Variants in PER3 observed in about 807,000 individuals in gnomAD.
PER3 encodes period circadian protein homolog 3.
In PER3, 107 loss-of-function variants were observed where a neutral mutation model predicts 127.2. That is an observed-to-expected ratio of 0.84 (90% CI 0.72 to 0.99). PER3 has a LOEUF of 0.99. PER3 is among the 50% of genes least tolerant of loss of function. The pLI is 0.00. For synonymous variants in PER3, 618 were observed against 585.8 expected, an observed-to-expected ratio of 1.05 and a Z score of -0.79; for missense variants, 1,560 against 1,525.8, an observed-to-expected ratio of 1.02 and a Z score of -0.37.
intron 19 of PER3, among the ~76,000 whole-genome samples, chr1:7,833,094 T>C (rs1477164632): frequency 4.6e-5 from 7 of 152,336 alleles, no homozygotes; most frequent in Non-Finnish European, 8.8e-5. Context: ...TGGAGATTTT[T>C]TTTAGATATT....
At chr1:7,791,850 ATC>A (rs1281175092) in intron 5 of PER3, among the ~76,000 whole-genome samples, 5 of 152,094 alleles carry the variant, frequency 3.3e-5, no homozygotes, top group African/African-American at 1.2e-4. Flanking sequence ...CAAGTTCCTC[ATC>A]TCTCTCTGAG....
intron 5 of PER3, among the ~76,000 whole-genome samples, chr1:7,789,428 C>A (rs1469521495): frequency 2.0e-5 from 3 of 152,174 alleles, no homozygotes; most frequent in African/African-American, 7.2e-5. Context: ...TTTCTCTGCA[C>A]AAGCTCTCTC....
Position 7,845,121 on chromosome 1 carries a change from A to G in PER3, c.*2366A>G, listed in dbSNP as rs2097404613. ...TGTTTTTAATCATTAGTAATATTTC[A>G]GTTGGGTATCTTTTTAAGTAAAAAC... is the stretch of plus-strand genomic sequence containing the variant. On this transcript the variant is annotated 3_prime_UTR_variant, in exon 22 of 22. Transcript: ENST00000377532. The G allele has an allele frequency of 6.6e-6, 1 of 152,394 alleles. No homozygotes were observed. The highest frequency in any genetic ancestry group is 1.5e-5 in the Non-Finnish European group (1 of 68,044). The allele number at this position is 152,394 out of a possible 1,614,324, so 9.4% of individuals were successfully genotyped here.
intron 18 of PER3, 142 bp downstream of exon 18, chr1:7,827,957 G>A: frequency 4.8e-6 from 3 of 621,268 alleles, no homozygotes; most frequent in Non-Finnish European, 8.4e-6. Context: ...GCCTAATTCT[G>A]TGTAAACATG....
chr1:7,830,201 C>A, intron 19 of PER3, 40 bp downstream of exon 19: 1 of 1,538,376 alleles, frequency 6.5e-7, no homozygotes, highest in South Asian at 1.1e-5. Flanking sequence ...ACTCCAATGC[C>A]AGACATTCAC....
chr1:7,829,167 G>A (rs543616811), intron 18 of PER3, among the ~76,000 whole-genome samples: 26 of 152,206 alleles, frequency 1.7e-4, no homozygotes, highest in African/African-American at 5.8e-4. Context: ...GGTGGATGCC[G>A]GAAACCGTGG....
At chr1:7,815,304 G>A (rs1449235920) in intron 13 of PER3, among the ~76,000 whole-genome samples, 3 of 152,142 alleles carry the variant, frequency 2.0e-5, no homozygotes, top group African/African-American at 7.2e-5. Flanking sequence ...CGTCAAATTG[G>A]ATGAAAAGAT....
chr1:7,822,782 A>G (rs943370581), intron 16 of PER3, among the ~76,000 whole-genome samples: 48 of 152,196 alleles, frequency 3.2e-4, no homozygotes, highest in African/African-American at 1.1e-3. Flanking sequence ...AATTGGGCCA[A>G]GCATAGTGGT....
chr1:7,831,566 T>A (rs1458959373), intron 19 of PER3, among the ~76,000 whole-genome samples: 1 of 152,210 alleles, frequency 6.6e-6, no homozygotes, highest in Non-Finnish European at 1.5e-5. Context: ...TTAAGTACGA[T>A]GTTAAGTATA....
intron 13 of PER3, chr1:7,811,727 G>T (rs2097220087): frequency 6.6e-6 from 1 of 152,164 alleles, no homozygotes; most frequent in South Asian, 2.1e-4. Context: ...CTTCCTAAAG[G>T]CCGTGGCTGT....
rs1417620121 is a variant in PER3, at chr1:7,784,649, C to A, written c.-224-5C>A. On this transcript the variant is annotated splice_region_variant and splice_polypyrimidine_tract_variant and intron_variant, in intron 1 of 21. Coordinates refer to ENST00000377532, the MANE Select transcript of PER3 (RefSeq NM_001377275.1). ...TCCCTTGTCACCCTTGTCTCCTCCC[C>A]CTAGGCCGGAGTCCTGAAAGTCGAG... 2.5e-5 allele frequency: 11 copies of A among 446,552 alleles called. No individual in the cohort carries two copies. Among genetic ancestry groups the A allele is most frequent in the Non-Finnish European group, 4.3e-5 (11 of 255,916 alleles). 27.7% of individuals were successfully genotyped at this position (446,552 alleles called of 1,614,324 possible).
chr1:7,800,584 A>G (rs1199707658), intron 7 of PER3, among the ~76,000 whole-genome samples: 1 of 152,072 alleles, frequency 6.6e-6, no homozygotes, highest in East Asian at 1.9e-4. Flanking sequence ...ACTAAATAAC[A>G]TTTGTAGTAT....
Position 7,785,564 on chromosome 1 carries a change from C to G in PER3, c.252C>G (p.Leu84=). 1.2e-6 allele frequency: 2 copies of G among 1,613,636 alleles called. No homozygotes were observed. Among genetic ancestry groups the G allele is most frequent in the Non-Finnish European group, 1.7e-6 (2 of 1,179,716 alleles). Reference sequence around the variant, plus strand: ...CTCTAGATGCCCTCAACTATGCTCTCCGCTGTGTCCACAGCGTTCAAGGTA... The same window carrying G: ...CTCTAGATGCCCTCAACTATGCTCTGCGCTGTGTCCACAGCGTTCAAGGTA... ...PSTLDALNYA[L]RCVHSVQANS... The change falls in exon 3 of 22, where the codon CTC becomes CTG. Residue 84 remains leucine, a synonymous_variant. Coordinates refer to ENST00000377532, the MANE Select transcript of PER3 (RefSeq NM_001377275.1).
intron 8 of PER3, among the ~76,000 whole-genome samples, chr1:7,802,423 C>T (rs935570058): frequency 7.2e-5 from 11 of 152,086 alleles, no homozygotes; most frequent in African/African-American, 1.4e-4. Flanking sequence ...CCACCACACC[C>T]GGCTAATTTT....
chr1:7,793,551 G>A (rs1428620924), intron 5 of PER3, among the ~76,000 whole-genome samples: 1 of 152,162 alleles, frequency 6.6e-6, no homozygotes, highest in Non-Finnish European at 1.5e-5. Context: ...GTATAGCTAA[G>A]AAGCTGAAAA....
chr1:7,832,366 CTTTT>C (rs33933452), intron 19 of PER3, among the ~76,000 whole-genome samples: 19 of 85,832 alleles, frequency 2.2e-4, no homozygotes, highest in African/African-American at 3.4e-4. Context: ...GATTTATGCT[CTTTT>C]TTTTTTTTTT....
chr1:7,822,414 C>G (rs1206174983), intron 16 of PER3, among the ~76,000 whole-genome samples: 1 of 151,964 alleles, frequency 6.6e-6, no homozygotes, highest in African/African-American at 2.4e-5. Flanking sequence ...GCCACCATGC[C>G]CAGCTAATTT....
chr1:7,839,373 A>G (rs929124059), intron 21 of PER3, among the ~76,000 whole-genome samples: 1 of 152,270 alleles, frequency 6.6e-6, no homozygotes, highest in Non-Finnish European at 1.5e-5. Context: ...AGTTAAAATA[A>G]TACTGGATTT....
At chr1:7,833,089 AT>A (rs568039450) in intron 19 of PER3, among the ~76,000 whole-genome samples, 17 of 151,822 alleles carry the variant, frequency 1.1e-4, no homozygotes, top group Middle Eastern at 3.2e-3. Flanking sequence ...ATATTTGGAG[AT>A]TTTTTTTAGA....
Sources: allele counts gnomAD v4.1 joint callset (sites outside exome capture counted in the v4.1 genomes callset), GRCh38; gene constraint gnomAD v4.1.1; transcripts MANE v1.5; gene names NCBI Gene and HGNC (gene_info 2026-07-23, HGNC 2026-07-21).